SASH1: variants seen among roughly 807,000 people sequenced by gnomAD.
The protein encoded by SASH1 is SAM and SH3 domain-containing protein 1.
SASH1 carries 44 observed loss-of-function variants against 125.2 expected under a neutral mutation model. The observed-to-expected ratio is 0.35, with a 90% CI of 0.28 to 0.45. The LOEUF (loss-of-function observed/expected upper bound fraction) is 0.45, where lower values mean the gene tolerates loss of function less well. Among genes scored for constraint, SASH1 ranks in the 20% least tolerant of loss-of-function variants. The pLI is 1.00. For missense variants in SASH1, 1,426 were observed against 1,614.5 expected, an observed-to-expected ratio of 0.88 and a Z score of 2.00; for synonymous variants, 639 against 649.1, an observed-to-expected ratio of 0.98 and a Z score of 0.24.
chr6:148,508,964 G>A (rs1049874705), intron 8 of SASH1: 1 of 623,640 alleles, frequency 1.6e-6, no homozygotes. Flanking sequence ...TGCCTATGAT[G>A]TTTCTCTCTC....
intron 2 of SASH1, among the ~76,000 whole-genome samples, chr6:148,430,068 G>GGTGT (rs1776002259): frequency 6.6e-6 from 1 of 152,196 alleles, no homozygotes; most frequent in Non-Finnish European, 1.5e-5. Flanking sequence ...ATCATTTAAG[G>GGTGT]CCCAAGTGGG....
chr6:148,442,141 C>CT (rs1360724287), intron 4 of SASH1, among the ~76,000 whole-genome samples: 8 of 152,132 alleles, frequency 5.3e-5, no homozygotes, highest in Non-Finnish European at 7.3e-5. Flanking sequence ...AATTCCAGCA[C>CT]TTTGGGAGGC....
intron 1 of SASH1, among the ~76,000 whole-genome samples, chr6:148,299,859 G>A (rs188027667): frequency 1.3e-5 from 2 of 152,244 alleles, no homozygotes; most frequent in African/African-American, 4.8e-5. Context: ...CAGGGTGCCT[G>A]TGAGCACTAG....
chr6:148,219,026 C>G, the SASH1 span, among the ~76,000 whole-genome samples: 2,455 of 152,250 alleles, frequency 0.016, 27 homozygotes, highest in Middle Eastern at 0.037. Context: ...CTTGGAAAGA[C>G]CTTAGGGAGG....
intron 2 of SASH1, among the ~76,000 whole-genome samples, chr6:148,412,001 C>T (rs547665937): frequency 3.1e-4 from 47 of 152,292 alleles, no homozygotes; most frequent in African/African-American, 1.0e-3. Flanking sequence ...ACTGAATCTC[C>T]GTTTTGATAT....
At chr6:148,248,166 AAAGCTTTATCTCTT>A in the SASH1 span, among the ~76,000 whole-genome samples, 29 of 152,242 alleles carry the variant, frequency 1.9e-4, no homozygotes, top group Non-Finnish European at 2.9e-4. Flanking sequence ...GAGCTGAGTG[AAAGCTTTATCTCTT>A]AAGCAGTACT....
At chr6:148,217,620 T>A in the SASH1 span, among the ~76,000 whole-genome samples, 1 of 152,056 alleles carries the variant, frequency 6.6e-6, no homozygotes, top group Non-Finnish European at 1.5e-5. Context: ...TGGGCCTGTA[T>A]CCCTCAGGAA....
intron 8 of SASH1, among the ~76,000 whole-genome samples, chr6:148,509,076 C>T (rs114038483): frequency 2.0e-4 from 30 of 152,068 alleles, no homozygotes; most frequent in South Asian, 1.5e-3. Flanking sequence ...AGTGAAAATG[C>T]GTAACTTTTA....
intron 2 of SASH1, among the ~76,000 whole-genome samples, chr6:148,435,362 G>A (rs1426206134): frequency 7.7e-6 from 1 of 130,034 alleles, no homozygotes; most frequent in African/African-American, 2.9e-5. Flanking sequence ...CTGGGAGACA[G>A]AGCCAGACTC....
At chr6:148,497,106 A>C (rs1221316782) in intron 8 of SASH1, among the ~76,000 whole-genome samples, 1 of 152,206 alleles carries the variant, frequency 6.6e-6, no homozygotes, top group African/African-American at 2.4e-5. Context: ...AATATATTAA[A>C]GTTCTTACTA....
At position 148,519,861 on chromosome 6, in the gene SASH1, A is replaced by G; in HGVS notation, c.1177A>G (p.Met393Val). 1 of 1,597,738 alleles carries G rather than the reference A, an allele frequency of 6.3e-7. No homozygotes were observed. The highest frequency in any genetic ancestry group is 8.5e-7 in the Non-Finnish European group (1 of 1,173,098). The change falls in exon 10 of 20, where the codon ATG becomes GTG. Residue 393 changes from methionine (M) to valine (V), a missense_variant. This residue lies in a region of SASH1 where 567 missense variants were observed against 575.6 expected (regional missense o/e 0.99). Coordinates refer to ENST00000367467, the MANE Select transcript of SASH1 (RefSeq NM_015278.5). This position sits in a 1 kb window ranked among gnomAD's most constrained non-coding sequence, Gnocchi z 4.8. ...GTCCCGCTCCCTCACCGAGGGGGAG[A>G]TGAAGAAGGGTCTCGGGTCCCTAAG... ...KVSRSLTEGE[M>V]KKGLGSLSHG...
At chr6:148,326,650 C>T (rs143326165) in intron 1 of SASH1, among the ~76,000 whole-genome samples, 2 of 151,502 alleles carry the variant, frequency 1.3e-5, no homozygotes, top group African/African-American at 2.4e-5. Flanking sequence ...GATCCGCCTG[C>T]GTCGGCCTTC....
chr6:148,326,351 T>TATGC (rs1780812978), intron 1 of SASH1, among the ~76,000 whole-genome samples: 1 of 82,928 alleles, frequency 1.2e-5, no homozygotes, highest in African/African-American at 4.4e-5. Context: ...TATATATATA[T>TATGC]ATATATGCAT....
At chr6:148,424,122 C>G (rs563068869) in intron 2 of SASH1, among the ~76,000 whole-genome samples, 6 of 152,130 alleles carry the variant, frequency 3.9e-5, no homozygotes, top group African/African-American at 1.2e-4. Context: ...TTGTTGGACA[C>G]CTGGCTCTGC....
chr6:148,435,755 T>C (rs1776268047), intron 2 of SASH1, among the ~76,000 whole-genome samples: 1 of 152,162 alleles, frequency 6.6e-6, no homozygotes, highest in South Asian at 2.1e-4. Context: ...CAAAATCAAC[T>C]CTGAACTGCT....
chr6:148,425,009 C>T (rs568213910), intron 2 of SASH1, among the ~76,000 whole-genome samples: 3 of 152,144 alleles, frequency 2.0e-5, no homozygotes, highest in South Asian at 2.1e-4. Context: ...CAGGGCAGAG[C>T]GGTGTAAGTG....
intron 4 of SASH1, 66 bp downstream of exon 4, chr6:148,440,473 G>T: frequency 7.4e-7 from 1 of 1,345,090 alleles, no homozygotes; most frequent in Non-Finnish European, 1.1e-6. Context: ...CATGCTGACG[G>T]AAATCAAACA....
At position 148,484,874 on chromosome 6, in the gene SASH1, T is replaced by G. The variant is rs115672639; in HGVS notation, c.628-2740T>G. 6.2e-3 allele frequency among the ~76,000 whole-genome samples: 942 copies of G among 152,044 alleles called. 8 individuals are homozygous for G. The highest frequency in any genetic ancestry group is 0.022 in the African/African-American group (893 of 41,454). On this transcript the variant is annotated intron_variant, in intron 7 of 19. Transcript: ENST00000367467. The stretch of plus-strand genomic sequence containing the variant: ...GGGAGGATTGCTTGAATCAGGGAGA[T>G]CAAGGTTGCAATGAGCCGTGATTGC...
chr6:148,396,376 G>T lies in SASH1; in HGVS notation c.285+6114G>T, dbSNP rs535876210. On this transcript the variant is annotated intron_variant, in intron 2 of 19. Transcript: ENST00000367467. ...ACCTATAATCCCAGCTACTTGGGAGGCTGAGAAAGGAGAATCGCTTGAACC... is the reference window on the plus strand; with the variant it reads ...ACCTATAATCCCAGCTACTTGGGAGTCTGAGAAAGGAGAATCGCTTGAACC... 4.0e-5 allele frequency among the ~76,000 whole-genome samples: 6 copies of T among 151,224 alleles called. No homozygotes were observed. The East Asian group carries it at 9.8e-4, about 25-fold the overall frequency.
Sources: gnomAD v4.1 joint callset for allele counts (sites outside exome capture counted in the v4.1 genomes callset) on GRCh38, gnomAD v4.1.1 for gene constraint, gnomAD v4.1.1 regional missense constraint, Gnocchi (gnomAD v3.1) non-coding constraint, MANE v1.5 for transcripts, NCBI Gene and HGNC (gene_info 2026-07-23, HGNC 2026-07-21) for gene names.